TCF4: variants seen among roughly 807,000 people sequenced by gnomAD.
TCF4 encodes the protein SL3-3 enhancer factor 2.
Under a neutral mutation model 82.1 loss-of-function variants are expected in TCF4, and 3 were observed. The ratio of observed to expected loss-of-function variants is 0.04; its 90% CI spans 0.02 to 0.09. TCF4 has a LOEUF of 0.09. Among genes scored for constraint, TCF4 ranks in the 10% least tolerant of loss-of-function variants. TCF4 has a pLI of 1.00. For synonymous variants in TCF4, 276 were observed against 309.6 expected (o/e 0.89, Z 1.14); for missense variants, 518 against 852.7 (o/e 0.61, Z 4.89).
intron 10 of TCF4, among the ~76,000 whole-genome samples, chr18:55,275,275 G>GGAAAAAAAAAAAA (rs1555795909): frequency 1.4e-5 from 1 of 71,378 alleles, no homozygotes; most frequent in Admixed American, 1.7e-4. Flanking sequence ...ACTACAGATA[G>GGAAAAAAAAAAAA]AAAAAAAAAA....
intron 13 of TCF4, 95 bp downstream of exon 13, chr18:55,259,854 G>T (rs768936085): frequency 9.5e-7 from 1 of 1,048,848 alleles, no homozygotes; most frequent in South Asian, 1.3e-5. Context: ...GGGATTTGGG[G>T]GGAAGTGAGT....
chr18:55,237,477 T>C lies in TCF4; in HGVS notation c.1351-2794A>G, dbSNP rs572012683. 2.7e-5 allele frequency among the ~76,000 whole-genome samples: 4 copies of C among 150,404 alleles called. No individual in the cohort carries two copies. In the East Asian group the frequency reaches 7.8e-4, roughly 29 times the overall value. ...ACAAAGTTGTTCTGACTTTTTTTTT[T>C]TTTTTTTTTGGAGACAGAGTCTTGC... On this transcript the variant is annotated intron_variant, in intron 15 of 19. Coordinates refer to ENST00000354452, the MANE Select transcript of TCF4 (RefSeq NM_001083962.2).
At chr18:55,349,809 G>A (rs977269601) in intron 8 of TCF4, among the ~76,000 whole-genome samples, 1 of 152,106 alleles carries the variant, frequency 6.6e-6, no homozygotes, top group African/African-American at 2.4e-5. Context: ...AAAAGACCCA[G>A]AATGCTCTTG....
intron 3 of TCF4, among the ~76,000 whole-genome samples, chr18:55,497,425 G>A (rs945032689): frequency 2.6e-5 from 4 of 152,154 alleles, no homozygotes; most frequent in Non-Finnish European, 1.5e-5. Context: ...ATGAGGGAAA[G>A]AGAGAAGAAA....
intron 8 of TCF4, among the ~76,000 whole-genome samples, chr18:55,314,654 G>A (rs1205736578): frequency 6.6e-6 from 1 of 151,386 alleles, no homozygotes; most frequent in Non-Finnish European, 1.5e-5. Flanking sequence ...TGGGATTCTG[G>A]TGCCTTCCAA....
intron 15 of TCF4, among the ~76,000 whole-genome samples, chr18:55,242,025 C>T (rs976487704): frequency 5.3e-5 from 8 of 152,158 alleles, no homozygotes; most frequent in African/African-American, 4.8e-5. Context: ...GCTGGGTTAA[C>T]GCCCACATCA....
At chr18:55,362,888 T>C (rs2085840821) in intron 6 of TCF4, among the ~76,000 whole-genome samples, 1 of 152,170 alleles carries the variant, frequency 6.6e-6, no homozygotes, top group African/African-American at 2.4e-5. Flanking sequence ...TTAACAAAAA[T>C]CATGAAAGGA....
chr18:55,481,270 T>A (rs756922251), intron 3 of TCF4, among the ~76,000 whole-genome samples: 1 of 152,210 alleles, frequency 6.6e-6, no homozygotes, highest in Non-Finnish European at 1.5e-5. Context: ...ATGTTGGAAG[T>A]ATTTACACCA....
chr18:55,334,769 T>C (rs1226896273), intron 8 of TCF4, among the ~76,000 whole-genome samples: 3 of 152,138 alleles, frequency 2.0e-5, no homozygotes, highest in Admixed American at 1.3e-4. Flanking sequence ...TAATCCTAGC[T>C]TAGAGAAAAG....
intron 3 of TCF4, among the ~76,000 whole-genome samples, chr18:55,484,339 C>T (rs542152638): frequency 6.6e-6 from 1 of 152,136 alleles, no homozygotes; most frequent in Non-Finnish European, 1.5e-5. Flanking sequence ...TTTTCATAGA[C>T]TTTTTTCCTC....
In TCF4 at chr18:55,406,126, C is replaced by CTT. The variant is rs34522468; in HGVS notation, c.305-2610_305-2609dup. On this transcript the variant is annotated intron_variant, in intron 5 of 19. Coordinates refer to ENST00000354452, the MANE Select transcript of TCF4 (RefSeq NM_001083962.2). ...AGCCAGCAGGAGGCTGGGAGGTGGA[C>CTT]TTTTTTTTTTTTTTTTTTTTTTTAA... Among the ~76,000 whole-genome samples the CTT allele has an allele frequency of 4.9e-3, 567 of 116,020 alleles. 8 individuals are homozygous for CTT. The highest frequency in any genetic ancestry group is 0.013 in the African/African-American group (414 of 30,998). 76.1% of individuals were successfully genotyped at this position (116,020 alleles called of 152,430 possible).
intron 8 of TCF4, among the ~76,000 whole-genome samples, chr18:55,310,664 G>A (rs1602220819): frequency 6.6e-6 from 1 of 152,180 alleles, no homozygotes; most frequent in African/African-American, 2.4e-5. Flanking sequence ...TGGGAAAGCT[G>A]GAAAGAACAT....
At chr18:55,407,558 A>T (rs2146596412) in intron 5 of TCF4, among the ~76,000 whole-genome samples, 1 of 152,224 alleles carries the variant, frequency 6.6e-6, no homozygotes, top group African/African-American at 2.4e-5. Context: ...GATTATTAAA[A>T]ATGGCACCAA....
chr18:55,537,961 G>A (rs908727648), intron 3 of TCF4, among the ~76,000 whole-genome samples: 2 of 150,922 alleles, frequency 1.3e-5, no homozygotes, highest in East Asian at 2.0e-4. Flanking sequence ...CAGGCATGAA[G>A]GTATGAAAGT....
chr18:55,365,238 T>C (rs1200369043), intron 6 of TCF4, among the ~76,000 whole-genome samples: 5 of 135,828 alleles, frequency 3.7e-5, no homozygotes, highest in African/African-American at 1.5e-4. Flanking sequence ...TGTGTGTATA[T>C]ATATGTGTGT....
intron 8 of TCF4, among the ~76,000 whole-genome samples, chr18:55,303,038 A>C (rs1055338796): frequency 1.2e-4 from 18 of 152,298 alleles, no homozygotes; most frequent in African/African-American, 3.9e-4. Context: ...GGACTTCCTT[A>C]ACTCTTTGAT....
chr18:55,345,323 T>C (rs1233796547), intron 8 of TCF4, among the ~76,000 whole-genome samples: 1 of 150,216 alleles, frequency 6.7e-6, no homozygotes, highest in Non-Finnish European at 1.5e-5. Context: ...CATGCTGAAC[T>C]AGAAGTCTGG....
intron 3 of TCF4, among the ~76,000 whole-genome samples, chr18:55,466,920 C>T (rs1299891953): frequency 4.6e-5 from 7 of 152,288 alleles, no homozygotes; most frequent in East Asian, 3.9e-4. Flanking sequence ...CCTGACCAAT[C>T]GGATCTGACT....
intron 5 of TCF4, among the ~76,000 whole-genome samples, chr18:55,446,228 G>T (rs957872654): frequency 6.6e-6 from 1 of 152,166 alleles, no homozygotes; most frequent in African/African-American, 2.4e-5. Flanking sequence ...GCTGAAGAAT[G>T]AAAATCAGCA....
Sources: allele counts gnomAD v4.1 joint callset (sites outside exome capture counted in the v4.1 genomes callset), GRCh38; gene constraint gnomAD v4.1.1; transcripts MANE v1.5; gene names NCBI Gene and HGNC (gene_info 2026-07-23, HGNC 2026-07-21).